Variants in AP4S1 observed in about 807,000 individuals in gnomAD.
AP4S1 encodes the protein adaptor related protein complex 4 subunit sigma 1, also known as AP-4 complex subunit sigma-1.
In AP4S1, 23 loss-of-function variants were observed where a neutral mutation model predicts 19.8. The observed-to-expected ratio is 1.16, with a 90% confidence interval of 0.84 to 1.65. The LOEUF is 1.65. AP4S1 is among the 40% of genes most tolerant of loss of function. The pLI is 0.00. For missense variants in AP4S1, 166 were observed against 172.8 expected (o/e 0.96, Z 0.22); for synonymous variants, 46 against 54.1 (o/e 0.85, Z 0.66).
At chr14:31,061,814 G>A (rs1474310086) in intron 1 of AP4S1, among the ~76,000 whole-genome samples, 1 of 151,714 alleles carries the variant, frequency 6.6e-6, no homozygotes, top group East Asian at 1.9e-4. Flanking sequence ...AGCTAATTTT[G>A]TATTTTTAGT....
chr14:31,048,220 A>C (rs999925626), intron 1 of AP4S1, among the ~76,000 whole-genome samples: 4 of 151,150 alleles, frequency 2.6e-5, no homozygotes, highest in African/African-American at 9.7e-5. Context: ...CGGCCTCCCA[A>C]GTAGCTGGGA....
intron 1 of AP4S1, among the ~76,000 whole-genome samples, chr14:31,055,730 G>GTC (rs1886072304): frequency 1.3e-5 from 2 of 151,454 alleles, no homozygotes; most frequent in Admixed American, 1.3e-4. Flanking sequence ...CTTAGTGTTT[G>GTC]TGTGTGTATT....
At chr14:31,082,799 G>A (rs1460774534) in intron 5 of AP4S1, among the ~76,000 whole-genome samples, 3 of 152,106 alleles carry the variant, frequency 2.0e-5, no homozygotes, top group Non-Finnish European at 4.4e-5. Flanking sequence ...GGGAGGCTGA[G>A]GCAGGAGAAT....
intron 1 of AP4S1, among the ~76,000 whole-genome samples, chr14:31,029,066 CT>C (rs1299391983): frequency 6.6e-6 from 1 of 152,196 alleles, no homozygotes; most frequent in Non-Finnish European, 1.5e-5. Flanking sequence ...CTTCTATTAT[CT>C]ACCTTATTAA....
rs1407343539 is a variant in AP4S1 at position 31,066,227 on chromosome 14, C to G, written c.31C>G (p.Gln11Glu). 6.2e-7 allele frequency: 1 copy of G among 1,613,818 alleles called. No homozygotes were observed. The highest frequency in any genetic ancestry group is 1.3e-5 in the African/African-American group (1 of 74,908). ...AAAATTTTTCCTCATGGTGAATAAA[C>G]AAGGGCAGACTCGACTTTCTAAGTA... MIKFFLMVNK[Q>E]GQTRLSKYYE... Residue 11 changes from glutamine (Q) to glutamate (E), a missense_variant, in exon 2 of 6, where the codon CAA (glutamine) becomes GAA (glutamate). Physicochemically the swap from Gln to Glu is conservative, Grantham distance 29 (BLOSUM62 2). Transcript: ENST00000542754.
chr14:31,049,428 A>AAAAATATATATATATATATATAT (rs1384450221), intron 1 of AP4S1, among the ~76,000 whole-genome samples: 1 of 57,768 alleles, frequency 1.7e-5, no homozygotes, highest in African/African-American at 7.9e-5. Context: ...AAAAAAAAAA[A>AAAAATATATATATATATATATAT]ATATATATAT....
At chr14:31,034,609 ATTT>A (rs5807612) in intron 1 of AP4S1, among the ~76,000 whole-genome samples, 2 of 103,954 alleles carry the variant, frequency 1.9e-5, no homozygotes, top group African/African-American at 3.9e-5. Context: ...TTTGTACTTA[ATTT>A]TTTTTTTTTT....
At chr14:31,073,302 A>AGC (rs1887133337) in intron 4 of AP4S1, 2 of 268,112 alleles carry the variant, frequency 7.5e-6, no homozygotes, top group Non-Finnish European at 1.5e-5. Context: ...CATCCTGGCT[A>AGC]ATACGGTGAA....
chr14:31,049,961 G>A (rs1198800338), intron 1 of AP4S1, among the ~76,000 whole-genome samples: 4 of 151,442 alleles, frequency 2.6e-5, no homozygotes, highest in Admixed American at 2.0e-4. Flanking sequence ...TCCCTCTGTC[G>A]CCTAGACTGG....
chr14:31,055,543 A>G (rs1045876767), intron 1 of AP4S1, among the ~76,000 whole-genome samples: 1 of 152,224 alleles, frequency 6.6e-6, no homozygotes, highest in Non-Finnish European at 1.5e-5. Flanking sequence ...GTCCAGGGTC[A>G]CAAAGCCACT....
chr14:31,030,489 CACA>C (rs759288023), intron 1 of AP4S1, among the ~76,000 whole-genome samples: 1 of 152,108 alleles, frequency 6.6e-6, no homozygotes, highest in Non-Finnish European at 1.5e-5. Context: ...ACTACCTGTA[CACA>C]ACATCACTCC....
At chr14:31,035,649 T>C (rs1884703418) in intron 1 of AP4S1, among the ~76,000 whole-genome samples, 1 of 151,810 alleles carries the variant, frequency 6.6e-6, no homozygotes, top group Non-Finnish European at 1.5e-5. Flanking sequence ...TTTTTTTTTT[T>C]TTTTGATGTG....
At chr14:31,049,430 T>A (rs1024269339) in intron 1 of AP4S1, among the ~76,000 whole-genome samples, 3,744 of 37,990 alleles carry the variant, frequency 0.099, 117 homozygotes, top group Non-Finnish European at 0.12. Flanking sequence ...AAAAAAAAAA[T>A]ATATATATAT....
chr14:31,058,527 ATGTGTGTGTG>A lies in AP4S1; in HGVS notation c.-71-7559_-71-7550del, dbSNP rs140119208. Among the ~76,000 whole-genome samples, 1,261 of 136,628 alleles carry A rather than the reference ATGTGTGTGTG, an allele frequency of 9.2e-3. 10 individuals carry two copies. The highest frequency in any genetic ancestry group is 0.012 in the South Asian group (53 of 4,302). 89.6% of individuals were successfully genotyped at this position (136,628 alleles called of 152,430 possible). On this transcript the variant is annotated intron_variant, in intron 1 of 5. Coordinates refer to ENST00000542754, the MANE Select transcript of AP4S1 (RefSeq NM_001128126.3). Reference sequence around the variant, plus strand: ...ACATCTTCCCCATCTCTGTGTGTGTATGTGTGTGTGTGTGTGTGTGTGTGTGTGTGTGTGT... The same window carrying A: ...ACATCTTCCCCATCTCTGTGTGTGTATGTGTGTGTGTGTGTGTGTGTGTGT...
chr14:31,091,237 C>G (rs945470864), intron 5 of AP4S1, among the ~76,000 whole-genome samples: 1 of 152,180 alleles, frequency 6.6e-6, no homozygotes, highest in Non-Finnish European at 1.5e-5. Flanking sequence ...AGAAAGTTAT[C>G]TTGGAGAAGG....
intron 5 of AP4S1, among the ~76,000 whole-genome samples, chr14:31,087,043 C>T (rs1887937549): frequency 1.3e-5 from 2 of 152,062 alleles, no homozygotes; most frequent in South Asian, 2.1e-4. Flanking sequence ...CAGACATGCA[C>T]CACCACACCC....
chr14:31,079,615 A>G (rs777159067), intron 4 of AP4S1, among the ~76,000 whole-genome samples: 4 of 152,094 alleles, frequency 2.6e-5, no homozygotes, highest in African/African-American at 4.8e-5. Flanking sequence ...GCTTGAGCTC[A>G]GGAGTTCAAG....
intron 1 of AP4S1, 57 bp from the exon 2 acceptor site, chr14:31,066,069 T>C: frequency 2.5e-6 from 2 of 812,402 alleles, no homozygotes; most frequent in South Asian, 3.3e-5. Context: ...ACATTTAATA[T>C]AATTATTTGA....
intron 5 of AP4S1, among the ~76,000 whole-genome samples, chr14:31,089,743 C>T (rs1209013520): frequency 6.6e-6 from 1 of 152,104 alleles, no homozygotes; most frequent in Non-Finnish European, 1.5e-5. Flanking sequence ...ATGGCAAAAC[C>T]TCGTCTCTAC....
Sources: allele counts gnomAD v4.1 joint callset (sites outside exome capture counted in the v4.1 genomes callset), GRCh38; gene constraint gnomAD v4.1.1; transcripts MANE v1.5; gene names NCBI Gene and HGNC (gene_info 2026-07-23, HGNC 2026-07-21).